The following CUX1 variants were observed in gnomAD, a reference collection of about 807,000 sequenced individuals.
The protein encoded by CUX1 is cut like homeobox 1.
A neutral mutation model predicts 158.8 loss-of-function variants in CUX1; 31 were observed. That is an observed-to-expected ratio of 0.20 (90% CI 0.15 to 0.26). The LOEUF (loss-of-function observed/expected upper bound fraction) is 0.26. CUX1 is among the 10% of genes least tolerant of loss of function. The pLI, the probability that CUX1 is intolerant of heterozygous loss-of-function variation, is 1.00. For synonymous variants in CUX1, 879 were observed against 862.1 expected, an observed-to-expected ratio of 1.02 and a Z score of -0.34; for missense variants, 1,589 against 2,014.6, an observed-to-expected ratio of 0.79 and a Z score of 4.04.
chr7:102,273,309 G>T, intron 14 of CUX1: 1 of 1,586,842 alleles, frequency 6.3e-7, no homozygotes, highest in South Asian at 1.1e-5. Context: ...AACCAGGGGA[G>T]GGCACCAAGG....
intron 14 of CUX1, among the ~76,000 whole-genome samples, chr7:102,266,410 G>A (rs539018804): frequency 6.6e-6 from 1 of 151,942 alleles, no homozygotes; most frequent in South Asian, 2.1e-4. Context: ...CTTGGGCTTG[G>A]GGAGTACAGA....
At chr7:101,909,470 C>T (rs942564306) in intron 1 of CUX1, among the ~76,000 whole-genome samples, 2 of 152,230 alleles carry the variant, frequency 1.3e-5, no homozygotes, top group Non-Finnish European at 1.5e-5. Flanking sequence ...AGAGAACCCT[C>T]CATTCATCGA....
At chr7:101,951,461 C>G (rs1346159084) in intron 2 of CUX1, among the ~76,000 whole-genome samples, 1 of 152,034 alleles carries the variant, frequency 6.6e-6, no homozygotes, top group Non-Finnish European at 1.5e-5. Flanking sequence ...TGCTGAACAT[C>G]GATCAACCCA....
intron 20 of CUX1, among the ~76,000 whole-genome samples, chr7:102,281,302 C>T (rs1792043359): frequency 6.6e-6 from 1 of 151,240 alleles, no homozygotes. Flanking sequence ...CCTAGGAAGT[C>T]AATGCTACAG....
rs1554541168 is a variant in CUX1, at chr7:102,254,094, A to G, written c.*5052A>G. On this transcript the variant is annotated 3_prime_UTR_variant, in exon 24 of 24. Transcript: ENST00000292535. ...TGTGTGTCTCTCCTTTTGTGAGCGCAACACGGACAAACAGCTGTGCTCTGC... is the reference window on the plus strand; with the variant it reads ...TGTGTGTCTCTCCTTTTGTGAGCGCGACACGGACAAACAGCTGTGCTCTGC... 1.0e-6 allele frequency: 1 copy of G among 985,286 alleles called. No homozygotes were observed. Among genetic ancestry groups the G allele is most frequent in the African/African-American group, 1.7e-5 (1 of 57,222 alleles). The allele number at this position is 985,286 out of a possible 1,614,324, so 61.0% of individuals were successfully genotyped here.
intron 2 of CUX1, among the ~76,000 whole-genome samples, chr7:101,976,900 A>ATTTTTTTTTTTTTTTTTTTTT (rs10643207): frequency 1.0e-4 from 4 of 39,462 alleles, no homozygotes; most frequent in Non-Finnish European, 1.3e-4. Context: ...TCCCTTTCTG[A>ATTTTTTTTTTTTTTTTTTTTT]TTTTTTTTTT....
chr7:101,976,588 C>T (rs190761362), intron 2 of CUX1, among the ~76,000 whole-genome samples: 2 of 152,294 alleles, frequency 1.3e-5, no homozygotes, highest in African/African-American at 4.8e-5. Context: ...CCATCAGCCA[C>T]TCTCCTCTTT....
downstream of CUX1, among the ~76,000 whole-genome samples, chr7:102,258,668 A>G (rs562287794): frequency 5.4e-4 from 82 of 152,204 alleles, no homozygotes; most frequent in Non-Finnish European, 1.1e-3. Flanking sequence ...GGCAGCCCCA[A>G]TCGATGGCAC....
intron 20 of CUX1, among the ~76,000 whole-genome samples, chr7:102,216,885 TCACACACACACA>T (rs35680063): frequency 1.3e-5 from 2 of 149,502 alleles, no homozygotes; most frequent in African/African-American, 5.0e-5. Context: ...ACACATTATC[TCACACACACACA>T]CACACACACA....
At position 102,084,659 on chromosome 7, in the gene CUX1, G is replaced by A. The variant is rs1447733809; in HGVS notation, c.269-12705G>A. On this transcript the variant is annotated intron_variant, in intron 4 of 23. Transcript: ENST00000292535. ...AGGCTGGTCTTGAACTCCTGACCTC[G>A]TGATCTACCCGCCTTGGCCTCCCAA... is the stretch of plus-strand genomic sequence containing the variant. Among the ~76,000 whole-genome samples, 7 of 127,388 alleles carry A rather than the reference G, an allele frequency of 5.5e-5. 1 individual carries two copies. Among genetic ancestry groups the A allele is most frequent in the Non-Finnish European group, 9.5e-5 (5 of 52,888 alleles). The allele number at this position is 127,388 out of a possible 152,430, so 83.6% of individuals were successfully genotyped here.
intron 2 of CUX1, among the ~76,000 whole-genome samples, chr7:101,947,249 C>T (rs1262258397): frequency 6.6e-6 from 1 of 152,012 alleles, no homozygotes; most frequent in Non-Finnish European, 1.5e-5. Context: ...AAAGAATTAG[C>T]CAAGTGTGGT....
chr7:101,962,105 A>G (rs1810571723), intron 2 of CUX1, among the ~76,000 whole-genome samples: 1 of 152,220 alleles, frequency 6.6e-6, no homozygotes, highest in East Asian at 1.9e-4. Flanking sequence ...CTGCCATGAC[A>G]TATTCCTTCT....
At chr7:102,119,509 T>C (rs1165386456) in intron 8 of CUX1, among the ~76,000 whole-genome samples, 2 of 152,248 alleles carry the variant, frequency 1.3e-5, no homozygotes, top group African/African-American at 4.8e-5. Flanking sequence ...GTCTTTGTTT[T>C]GTCCTGTCGT....
chr7:101,934,078 AAAT>A (rs1806624323), intron 2 of CUX1, among the ~76,000 whole-genome samples: 1 of 152,208 alleles, frequency 6.6e-6, no homozygotes, highest in Admixed American at 6.5e-5. Flanking sequence ...CAGCCTGTTG[AAAT>A]CCCTGTGGTT....
intron 2 of CUX1, among the ~76,000 whole-genome samples, chr7:102,001,960 ACTGTG>A: frequency 2.0e-5 from 3 of 152,170 alleles, no homozygotes; most frequent in Non-Finnish European, 2.9e-5. Context: ...TTGATTTACA[ACTGTG>A]ACTAAAAAGG....
intron 1 of CUX1, among the ~76,000 whole-genome samples, chr7:101,893,536 G>A (rs866895812): frequency 1.3e-5 from 2 of 152,100 alleles, no homozygotes; most frequent in Non-Finnish European, 2.9e-5. Flanking sequence ...CCCTGCGAGC[G>A]TTCTTTCATC....
At chr7:102,077,293 G>A (rs1554476972) in intron 4 of CUX1, among the ~76,000 whole-genome samples, 3 of 151,832 alleles carry the variant, frequency 2.0e-5, no homozygotes, top group African/African-American at 2.4e-5. Flanking sequence ...GGAGAATGTC[G>A]GGTCAATGGG....
intron 14 of CUX1, among the ~76,000 whole-genome samples, chr7:102,265,513 C>A (rs558057439): frequency 6.6e-6 from 1 of 152,138 alleles, no homozygotes; most frequent in African/African-American, 2.4e-5. Flanking sequence ...TCATCGCTCA[C>A]TGCAGCCTTG....
At chr7:101,827,981 T>G (rs868373583) in intron 1 of CUX1, among the ~76,000 whole-genome samples, 410 of 149,254 alleles carry the variant, frequency 2.7e-3, no homozygotes, top group African/African-American at 9.3e-3. Context: ...TTGTTTTTTT[T>G]TTTTTTTTTT....
Sources: gnomAD v4.1 joint callset for allele counts (sites outside exome capture counted in the v4.1 genomes callset) on GRCh38, gnomAD v4.1.1 for gene constraint, MANE v1.5 for transcripts, NCBI Gene and HGNC (gene_info 2026-07-23, HGNC 2026-07-21) for gene names.